CTIF: variants seen among roughly 807,000 people sequenced by gnomAD.
The protein encoded by CTIF is cap binding complex dependent translation initiation factor, also known as CBP80/20-dependent translation initiation factor.
CTIF carries 21 observed loss-of-function variants against 66.0 expected under a neutral mutation model. The ratio of observed to expected loss-of-function variants is 0.32; its 90% CI spans 0.23 to 0.46. The LOEUF (loss-of-function observed/expected upper bound fraction) is 0.46, where lower values mean the gene tolerates loss of function less well. CTIF is among the 20% of genes least tolerant of loss of function. The probability of loss-of-function intolerance (pLI) is 1.00; values close to 1 mark genes in which losing one functional copy is unlikely to be tolerated. For synonymous variants in CTIF, 345 were observed against 326.4 expected, an observed-to-expected ratio of 1.06 and a Z score of -0.62; for missense variants, 739 against 812.7, an observed-to-expected ratio of 0.91 and a Z score of 1.10.
chr18:48,830,302 T>C (rs944371968), intron 10 of CTIF, among the ~76,000 whole-genome samples: 2 of 152,170 alleles, frequency 1.3e-5, no homozygotes, highest in African/African-American at 4.8e-5. Context: ...TAGCCGGGAT[T>C]ACAGGCGTGT....
intron 1 of CTIF, among the ~76,000 whole-genome samples, chr18:48,600,494 G>A (rs1200777399): frequency 6.6e-6 from 1 of 152,018 alleles, no homozygotes; most frequent in Non-Finnish European, 1.5e-5. Context: ...TGCCACTCTG[G>A]GGATGTCCTT....
intron 7 of CTIF, among the ~76,000 whole-genome samples, chr18:48,720,120 T>C (rs1332273449): frequency 6.6e-6 from 1 of 152,202 alleles, no homozygotes; most frequent in Non-Finnish European, 1.5e-5. Context: ...GGAATGCAAC[T>C]ACCATAAATA....
intron 4 of CTIF, 28 bp from the exon 5 acceptor site, chr18:48,664,419 C>A: frequency 6.3e-7 from 1 of 1,593,130 alleles, no homozygotes; most frequent in Non-Finnish European, 8.6e-7. Flanking sequence ...CCTCTTGCCT[C>A]CGTTTCTCAC....
intron 6 of CTIF, among the ~76,000 whole-genome samples, chr18:48,703,688 C>G (rs1277978672): frequency 6.6e-6 from 1 of 152,122 alleles, no homozygotes; most frequent in East Asian, 1.9e-4. Flanking sequence ...TATGAAAGTG[C>G]AGGCCATGGA....
intron 1 of CTIF, among the ~76,000 whole-genome samples, chr18:48,605,271 T>C (rs1199455462): frequency 6.6e-6 from 1 of 152,208 alleles, no homozygotes; most frequent in Non-Finnish European, 1.5e-5. Flanking sequence ...CTCCAGTTGC[T>C]CCACATCCTC....
chr18:48,792,220 G>A (rs1462265135), intron 9 of CTIF, among the ~76,000 whole-genome samples: 1 of 152,136 alleles, frequency 6.6e-6, no homozygotes, highest in Non-Finnish European at 1.5e-5. Context: ...GGAGCATCCT[G>A]GTCAAAGAGA....
chr18:48,752,401 G>A (rs1478287426), intron 7 of CTIF, among the ~76,000 whole-genome samples: 8 of 152,196 alleles, frequency 5.3e-5, no homozygotes, highest in Non-Finnish European at 5.9e-5. Context: ...CCTAAGCTTT[G>A]TAGCGATGCC....
chr18:48,591,476 C>A (rs901854509), intron 1 of CTIF, among the ~76,000 whole-genome samples: 3 of 152,190 alleles, frequency 2.0e-5, no homozygotes, highest in Non-Finnish European at 4.4e-5. Flanking sequence ...TGCTGTGTGA[C>A]CTTGGTGTCT....
intron 1 of CTIF, among the ~76,000 whole-genome samples, chr18:48,563,984 A>C (rs771726760): frequency 6.6e-6 from 1 of 152,058 alleles, no homozygotes; most frequent in Non-Finnish European, 1.5e-5. Context: ...CCGGAATCTC[A>C]GTTTCATCTC....
chr18:48,560,866 C>T lies in CTIF; in HGVS notation c.-29+21554C>T, dbSNP rs79181413. 9.0e-3 allele frequency among the ~76,000 whole-genome samples: 1,378 copies of T among 152,294 alleles called. 12 individuals are homozygous for T. The highest frequency in any genetic ancestry group is 0.031 in the African/African-American group (1,294 of 41,540). ...GGGATTCTAGGGATGAACCACTGCC[C>T]GGCCTATCCTTCCTTATTACAGACC... On this transcript the variant is annotated intron_variant, in intron 1 of 11. Transcript: ENST00000256413.
intron 1 of CTIF, among the ~76,000 whole-genome samples, chr18:48,582,309 A>C (rs1250111716): frequency 6.6e-6 from 1 of 152,042 alleles, no homozygotes; most frequent in East Asian, 1.9e-4. Flanking sequence ...GTCATGGACC[A>C]CGCATGGTGT....
At chr18:48,554,252 A>G (rs556220423) in intron 1 of CTIF, among the ~76,000 whole-genome samples, 62 of 152,342 alleles carry the variant, frequency 4.1e-4, no homozygotes, top group African/African-American at 1.5e-3. Flanking sequence ...AAGAGAAACC[A>G]GTGACTTGGC....
intron 7 of CTIF, among the ~76,000 whole-genome samples, chr18:48,753,060 G>A (rs369554085): frequency 7.9e-5 from 12 of 152,212 alleles, no homozygotes; most frequent in Non-Finnish European, 1.8e-4. Flanking sequence ...GAGCCTCACC[G>A]CAACCCTTGC....
chr18:48,542,199 T>A (rs1373209615), intron 1 of CTIF, among the ~76,000 whole-genome samples: 2 of 152,268 alleles, frequency 1.3e-5, no homozygotes, highest in African/African-American at 4.8e-5. Context: ...CATTTAATAA[T>A]TTGCTGTTGG....
intron 9 of CTIF, among the ~76,000 whole-genome samples, chr18:48,766,986 G>A (rs1263375717): frequency 1.4e-5 from 1 of 73,540 alleles, no homozygotes; most frequent in Non-Finnish European, 3.3e-5. Flanking sequence ...TAGGAAAAGG[G>A]CCTCATTCTC....
chr18:48,737,886 A>C (rs1249921949), intron 7 of CTIF, among the ~76,000 whole-genome samples: 3 of 152,260 alleles, frequency 2.0e-5, no homozygotes, highest in Admixed American at 2.0e-4. Context: ...ACAAAAACAA[A>C]CCTTTTGCTA....
At chr18:48,622,058 C>T (rs953361556) in intron 2 of CTIF, among the ~76,000 whole-genome samples, 1 of 152,200 alleles carries the variant, frequency 6.6e-6, no homozygotes, top group African/African-American at 2.4e-5. Flanking sequence ...ACAAAGATGA[C>T]TTTAACCAGG....
chr18:48,677,196 G>A (rs980004260), intron 6 of CTIF, among the ~76,000 whole-genome samples: 1 of 152,162 alleles, frequency 6.6e-6, no homozygotes, highest in African/African-American at 2.4e-5. Context: ...AGACACCCAG[G>A]AGCAGAGTCC....
At chr18:48,703,891 G>A (rs1190556355) in intron 6 of CTIF, among the ~76,000 whole-genome samples, 1 of 152,208 alleles carries the variant, frequency 6.6e-6, no homozygotes, top group Admixed American at 6.5e-5. Flanking sequence ...CTGTGGCCAG[G>A]GTCATCTCTG....
Sources: gnomAD v4.1 joint callset for allele counts (sites outside exome capture counted in the v4.1 genomes callset) on GRCh38, gnomAD v4.1.1 for gene constraint, MANE v1.5 for transcripts, NCBI Gene and HGNC (gene_info 2026-07-23, HGNC 2026-07-21) for gene names.